Variants in ARSL observed in about 807,000 individuals in gnomAD.
The protein encoded by ARSL is arylsulfatase L.
In ARSL, 4 loss-of-function variants were observed where a neutral mutation model predicts 31.1. The ratio of observed to expected loss-of-function variants is 0.13; its 90% CI spans 0.06 to 0.29. The LOEUF (loss-of-function observed/expected upper bound fraction) is 0.29, where lower values mean the gene tolerates loss of function less well. ARSL is among the 10% of genes least tolerant of loss of function. The pLI is 1.00. For synonymous variants in ARSL, 198 were observed against 209.9 expected (o/e 0.94, Z 0.49); for missense variants, 312 against 497.8 (o/e 0.63, Z 3.55).
intron 7 of ARSL, 130 bp downstream of exon 7, chrX:2,945,868 A>ACTCT (rs1477563246): frequency 2.2e-6 from 2 of 893,131 alleles, no homozygotes; most frequent in Non-Finnish European, 3.2e-6. Context: ...AATATTTTGC[A>ACTCT]CTCTTAAAAT....
At chrX:2,951,640 A>T (rs1680516286) in intron 5 of ARSL, among the ~76,000 whole-genome samples, 1 of 107,114 alleles carries the variant, frequency 9.3e-6, no homozygotes, top group African/African-American at 3.4e-5. Context: ...AAAAAAGAAA[A>T]AAAAGAAAAA....
At chrX:2,949,047 C>T (rs944623445) in intron 6 of ARSL, among the ~76,000 whole-genome samples, 2 of 110,870 alleles carry the variant, frequency 1.8e-5, no homozygotes, top group Non-Finnish European at 3.8e-5. Context: ...CTCAGCCTCC[C>T]GAGTAGCTGG....
In ARSL at chrX:2,938,262, G is replaced by C. The variant is rs2089232022; in HGVS notation, c.1127-5C>G. ...ATCCTCCCATGCCCTTCCCACCTGG[G>C]TTTGAACAGAAACAAAAGAAAGTGG... On this transcript the variant is annotated splice_polypyrimidine_tract_variant and splice_region_variant and intron_variant, in intron 8 of 10. Coordinates refer to ENST00000381134, the MANE Select transcript of ARSL (RefSeq NM_000047.3). 1 of 1,209,867 alleles carries C rather than the reference G, an allele frequency of 8.3e-7. No individual in the cohort carries two copies. Among genetic ancestry groups the C allele is most frequent in the Non-Finnish European group, 1.1e-6 (1 of 895,079 alleles).
At chrX:2,940,809 C>T (rs780496870) in intron 8 of ARSL, among the ~76,000 whole-genome samples, 2 of 111,038 alleles carry the variant, frequency 1.8e-5, no homozygotes, top group African/African-American at 6.5e-5. Flanking sequence ...GTTGCATGCA[C>T]CTGTAGTCCC....
intron 6 of ARSL, among the ~76,000 whole-genome samples, chrX:2,946,496 G>GC (rs1371730270): frequency 1.1e-5 from 1 of 89,791 alleles, no homozygotes; most frequent in African/African-American, 4.2e-5. Flanking sequence ...GTGCTAACAG[G>GC]CCCAGCTAAT....
intron 3 of ARSL, 107 bp downstream of exon 3, chrX:2,958,167 T>C: frequency 1.9e-6 from 2 of 1,062,979 alleles, no homozygotes; most frequent in Non-Finnish European, 2.6e-6. Flanking sequence ...TGCAGAACTC[T>C]TGAAGTGTGA....
chrX:2,936,337 AAG>A (rs1373548689), intron 10 of ARSL, among the ~76,000 whole-genome samples: 3 of 111,355 alleles, frequency 2.7e-5, no homozygotes, highest in Non-Finnish European at 3.8e-5. Flanking sequence ...TAAGAAAAAA[AAG>A]AGACTAGAAA....
chrX:2,962,972 C>G (rs1387496169), intron 1 of ARSL, among the ~76,000 whole-genome samples: 1 of 111,838 alleles, frequency 8.9e-6, no homozygotes, highest in Non-Finnish European at 1.9e-5. Flanking sequence ...TTCAAGTTTT[C>G]CGGCCTTTCC....
chrX:2,944,409 G>A (rs1399428931), intron 7 of ARSL, among the ~76,000 whole-genome samples: 4 of 103,880 alleles, frequency 3.9e-5, no homozygotes, highest in African/African-American at 7.1e-5. Flanking sequence ...AGCTGAGACC[G>A]TGCCATTGCA....
chrX:2,942,741 A>C (rs978755118), intron 8 of ARSL, among the ~76,000 whole-genome samples: 14 of 111,683 alleles, frequency 1.3e-4, no homozygotes, highest in African/African-American at 4.6e-4. Flanking sequence ...TAGAAATAGA[A>C]GCTCTGGAGA....
At chrX:2,940,739 C>T (rs997335344) in intron 8 of ARSL, among the ~76,000 whole-genome samples, 6 of 110,107 alleles carry the variant, frequency 5.4e-5, no homozygotes, top group African/African-American at 1.7e-4. Flanking sequence ...AGTTTGAGAC[C>T]AGCCTGGGCA....
At chrX:2,962,642 G>T (rs2089653542) in intron 1 of ARSL, among the ~76,000 whole-genome samples, 1 of 111,788 alleles carries the variant, frequency 8.9e-6, no homozygotes, top group Non-Finnish European at 1.9e-5. Context: ...CCTTTTCGGG[G>T]ATGCTGGGAG....
intron 8 of ARSL, among the ~76,000 whole-genome samples, chrX:2,939,963 C>T (rs965403802): frequency 8.6e-5 from 9 of 104,626 alleles, no homozygotes; most frequent in African/African-American, 2.5e-4. Context: ...CTTCACCTCC[C>T]AGGTTCAAGC....
chrX:2,944,202 T>C (rs2089326385), intron 7 of ARSL, among the ~76,000 whole-genome samples: 2 of 107,702 alleles, frequency 1.9e-5, no homozygotes, highest in Non-Finnish European at 1.9e-5. Flanking sequence ...ATCCCTGTAA[T>C]CCCAGCACTT....
At chrX:2,960,858 G>A (rs1333932669) in intron 1 of ARSL, among the ~76,000 whole-genome samples, 1 of 111,515 alleles carries the variant, frequency 9.0e-6, no homozygotes, top group Non-Finnish European at 1.9e-5. Context: ...TTGGAAGGGG[G>A]AAGCGGGGAA....
upstream of ARSL, among the ~76,000 whole-genome samples, chrX:2,966,393 C>T (rs1413344039): frequency 9.1e-6 from 1 of 109,942 alleles, no homozygotes; most frequent in African/African-American, 3.3e-5. Context: ...AATATTTTCA[C>T]CTATATTTTA....
intron 3 of ARSL, among the ~76,000 whole-genome samples, chrX:2,955,961 A>G (rs2089518991): frequency 8.9e-6 from 1 of 112,589 alleles, no homozygotes; most frequent in Non-Finnish European, 1.9e-5. Context: ...GCTTGAGCTC[A>G]GGAGTTTGAA....
intron 8 of ARSL, among the ~76,000 whole-genome samples, chrX:2,939,142 G>A (rs951286649): frequency 3.6e-5 from 4 of 111,487 alleles, no homozygotes; most frequent in African/African-American, 1.3e-4. Context: ...TCTCAAGATC[G>A]TCGCGGAGAA....
chrX:2,941,696 G>A (rs1410381089), intron 8 of ARSL, among the ~76,000 whole-genome samples: 1 of 111,873 alleles, frequency 8.9e-6, no homozygotes, highest in Non-Finnish European at 1.9e-5. Flanking sequence ...CACCTTTCTG[G>A]ACCAAACCAA....
Sources: gnomAD v4.1 joint callset for allele counts (sites outside exome capture counted in the v4.1 genomes callset) on GRCh38, gnomAD v4.1.1 for gene constraint, MANE v1.5 for transcripts, NCBI Gene and HGNC (gene_info 2026-07-23, HGNC 2026-07-21) for gene names.